AXIN1: variants seen among roughly 807,000 people sequenced by gnomAD.
AXIN1 encodes axin-1.
A neutral mutation model predicts 76.4 loss-of-function variants in AXIN1; 30 were observed. The observed-to-expected ratio is 0.39, with a 90% CI of 0.29 to 0.53. The LOEUF (loss-of-function observed/expected upper bound fraction) is 0.53. Among genes scored for constraint, AXIN1 ranks in the 20% least tolerant of loss-of-function variants. The pLI, the probability that AXIN1 is intolerant of heterozygous loss-of-function variation, is 0.66. For missense variants in AXIN1, 1,140 were observed against 1,198.8 expected (o/e 0.95, Z 0.72); for synonymous variants, 545 against 501.4 (o/e 1.09, Z -1.16).
intron 9 of AXIN1, 107 bp from the exon 10 acceptor site, chr16:289,714 G>A: frequency 2.1e-6 from 3 of 1,435,946 alleles, no homozygotes; most frequent in South Asian, 1.2e-5. Context: ...GCCTGCAGGG[G>A]TGAGCAGCAC....
At chr16:295,796 G>T (rs2052695536) in intron 7 of AXIN1, among the ~76,000 whole-genome samples, 1 of 151,530 alleles carries the variant, frequency 6.6e-6, no homozygotes, top group Admixed American at 6.6e-5. Flanking sequence ...CCCTGCCCCG[G>T]TCTCTACTAA....
In AXIN1 at chr16:296,973, T is replaced by C. The variant is rs890289965; in HGVS notation, c.1955+83A>G. 85 of 1,505,592 alleles carry C rather than the reference T, an allele frequency of 5.6e-5. 1 individual carries two copies. Among genetic ancestry groups the C allele is most frequent in the South Asian group, 3.5e-4 (31 of 88,848 alleles). 93.3% of individuals were successfully genotyped at this position (1,505,592 alleles called of 1,614,324 possible). A position where few individuals can be genotyped will look rare whatever the true frequency, so the allele number is the denominator to read the frequency against. On this transcript the variant is annotated intron_variant, in intron 7 of 10. Coordinates refer to ENST00000262320, the MANE Select transcript of AXIN1 (RefSeq NM_003502.4). ...CACAGGCGACACTCGCCACACACAC[T>C]GAAGCTGCACACACTGAGACTGTGC...
Position 346,646 on chromosome 16 carries a change from A to G in AXIN1, c.380T>C (p.Leu127Pro), listed in dbSNP as rs2141705454. 2 of 1,577,576 alleles carry G rather than the reference A, an allele frequency of 1.3e-6. No individual in the cohort carries two copies. Among genetic ancestry groups the G allele is most frequent in the Non-Finnish European group, 1.7e-6 (2 of 1,162,498 alleles). Residue 127 changes from leucine (L) to proline (P), a missense_variant, in exon 2 of 11, where the codon CTG (leucine) becomes CCG (proline). Leu to Pro is a moderately conservative substitution (Grantham distance 98). Around this residue, in one of 3 missense-constraint regions of AXIN1, gnomAD observed 708 missense variants for 776.9 expected, o/e 0.91. Coordinates refer to ENST00000262320, the MANE Select transcript of AXIN1 (RefSeq NM_003502.4). ...CTCCTCGTTCGAGTCACAGGGCTCC[A>G]GCTTCCTGAAGCCAGTGCAGGCAAA... ...FWFACTGFRK[L>P]EPCDSNEEKR...
rs2052634399 is a variant in AXIN1, at chr16:293,778, G to A, written c.1956-60C>T. 4 of 1,527,434 alleles carry A rather than the reference G, an allele frequency of 2.6e-6. No homozygotes were observed. Among genetic ancestry groups the A allele is most frequent in the Non-Finnish European group, 2.7e-6 (3 of 1,107,990 alleles). The allele number at this position is 1,527,434 out of a possible 1,614,324, so 94.6% of individuals were successfully genotyped here. A position where few individuals can be genotyped will look rare whatever the true frequency, so the allele number is the denominator to read the frequency against. ...CGACACCCTGGCCAGGTGGCCTGGT[G>A]GGGCTACACTCATCTCACAAGGGCA... is the stretch of plus-strand genomic sequence containing the variant. On this transcript the variant is annotated intron_variant, in intron 7 of 10. Transcript: ENST00000262320. This position sits in a 1 kb window ranked among gnomAD's most constrained non-coding sequence, Gnocchi z 4.6.
chr16:311,473 T>C (rs893747844), intron 3 of AXIN1, among the ~76,000 whole-genome samples: 1 of 151,868 alleles, frequency 6.6e-6, no homozygotes, highest in Non-Finnish European at 1.5e-5. Flanking sequence ...TCCCAGCTAT[T>C]AGAAAAGCTG....
In AXIN1 at chr16:297,714, A is replaced by G. The variant is rs373656834; in HGVS notation, c.1784+8T>C. On this transcript the variant is annotated splice_region_variant and intron_variant, in intron 6 of 10. Transcript: ENST00000262320. ...AAGCCCCCTCCTCACTGACAGGCGC[A>G]CGCTCACCTGTGGGCGAGGCCATCA... The G allele has an allele frequency of 3.1e-6, 5 of 1,594,422 alleles. 1 individual carries two copies. In the South Asian group the frequency reaches 3.3e-5, roughly 11 times the overall value.
intron 9 of AXIN1, 26 bp downstream of exon 9, chr16:291,164 C>A (rs747047315): frequency 6.4e-7 from 1 of 1,557,776 alleles, no homozygotes; most frequent in Admixed American, 1.9e-5. Context: ...TGGGCAGGAC[C>A]GGGAGGACCC....
In AXIN1 at chr16:347,080, T is replaced by C. The variant is rs2141711432; in HGVS notation, c.-55A>G. Reference sequence around the variant, plus strand: ...CGCTGCACCCTAATACATCAGTACTTACAGCTCCAAAGTGAATCAATCTGT... The same window carrying C: ...CGCTGCACCCTAATACATCAGTACTCACAGCTCCAAAGTGAATCAATCTGT... On this transcript the variant is annotated 5_prime_UTR_variant, in exon 2 of 11. Transcript: ENST00000262320. 6.2e-7 allele frequency: 1 copy of C among 1,612,526 alleles called. No homozygotes were observed. Among genetic ancestry groups the C allele is most frequent in the Non-Finnish European group, 8.5e-7 (1 of 1,179,994 alleles).
chr16:351,381 G>A (rs898899502), intron 1 of AXIN1, among the ~76,000 whole-genome samples: 2 of 152,136 alleles, frequency 1.3e-5, no homozygotes, highest in African/African-American at 4.8e-5. Context: ...AGGCCAAAGT[G>A]GGCAGATCAC....
At chr16:320,147 C>T (rs188409805) in intron 2 of AXIN1, among the ~76,000 whole-genome samples, 6 of 152,230 alleles carry the variant, frequency 3.9e-5, no homozygotes, top group Non-Finnish European at 8.8e-5. Context: ...CTTTTTTATT[C>T]CCTGGACTCC....
At chr16:295,919 ATTGCACCACTGCACTC>A (rs1418031017) in intron 7 of AXIN1, among the ~76,000 whole-genome samples, 1 of 152,112 alleles carries the variant, frequency 6.6e-6, no homozygotes, top group East Asian at 1.9e-4. Context: ...GTTAGCCAAG[ATTGCACCACTGCACTC>A]CAGCCCGGGC....
intron 4 of AXIN1, among the ~76,000 whole-genome samples, chr16:308,201 C>G (rs559411399): frequency 6.6e-6 from 1 of 152,346 alleles, no homozygotes; most frequent in East Asian, 1.9e-4. Context: ...ATGTGACCCT[C>G]CAGGACCTGA....
In AXIN1 at chr16:346,564, G is replaced by A; in HGVS notation, c.462C>T (p.Gly154=). Residue 154 remains glycine (G), a synonymous_variant, in exon 2 of 11, where the codon GGC becomes GGT. Transcript: ENST00000262320. ...CTGGCTTGGTCTGCCGGGACACGAT[G>A]CCATTGTTATCAAGAATGTACTTTC... ...IYRKYILDNN[G]IVSRQTKPAT... is the part of the protein sequence containing the mutation. The A allele has an allele frequency of 1.3e-5, 21 of 1,613,464 alleles. No individual in the cohort carries two copies. The highest frequency in any genetic ancestry group is 1.6e-5 in the Non-Finnish European group (19 of 1,179,570).
chr16:306,608 G>A (rs1483988990), intron 4 of AXIN1, among the ~76,000 whole-genome samples: 2 of 152,226 alleles, frequency 1.3e-5, no homozygotes, highest in Admixed American at 1.3e-4. Context: ...CTGGACACAG[G>A]GGCCACACAA....
chr16:289,850 C>T, intron 9 of AXIN1: 1 of 590,152 alleles, frequency 1.7e-6, no homozygotes, highest in Non-Finnish European at 3.0e-6. Flanking sequence ...CACAGCCCCA[C>T]CCTCGACTGG....
rs542115143 is a variant in AXIN1 at position 304,677 on chromosome 16, G to A, written c.1117-236C>T. ...GGTCTCCCAAGTAGCTGGGACTACA[G>A]GTGCCCGCCACCACGCCTGGCTAAT... On this transcript the variant is annotated intron_variant, in intron 4 of 10. Transcript: ENST00000262320. 3.2e-3 allele frequency among the ~76,000 whole-genome samples: 482 copies of A among 152,236 alleles called. 3 individuals carry two copies. The highest frequency in any genetic ancestry group is 0.01 in the Middle Eastern group (3 of 294).
In AXIN1 at chr16:298,009, C is replaced by T. The variant is rs2141512964; in HGVS notation, c.1497G>A (p.Val499=). ...CCCCCAGTGCCACTGGCATCTTGGC[C>T]ACGTGCCCACTGTCCGGGGAGCGAT... is the stretch of plus-strand genomic sequence containing the variant. ...PGHRSPDSGH[V]AKMPVALGGA... is the part of the protein sequence containing the mutation. Residue 499 remains valine (V), a synonymous_variant, in exon 6 of 11, where the codon GTG becomes GTA. Transcript: ENST00000262320. 1.3e-6 allele frequency: 2 copies of T among 1,598,214 alleles called. No homozygotes were observed. The highest frequency in any genetic ancestry group is 1.7e-6 in the Non-Finnish European group (2 of 1,177,614).
At chr16:312,582 G>A (rs767691814) in intron 3 of AXIN1, among the ~76,000 whole-genome samples, 4 of 152,210 alleles carry the variant, frequency 2.6e-5, no homozygotes, top group Admixed American at 6.5e-5. Context: ...CGAGGCTTCA[G>A]GACCACGGCA....
Position 347,732 on chromosome 16 carries a change from A to G in AXIN1, c.-81-626T>C, listed in dbSNP as rs944988383. 2.6e-5 allele frequency among the ~76,000 whole-genome samples: 4 copies of G among 152,090 alleles called. No homozygotes were observed. The South Asian group carries it at 6.2e-4, about 24-fold the overall frequency. On this transcript the variant is annotated intron_variant, in intron 1 of 10. Coordinates refer to ENST00000262320, the MANE Select transcript of AXIN1 (RefSeq NM_003502.4). ...GCAGGGTGTTCCTCCGACTCTCAAC[A>G]CACGCCTCAAAGAGAGATAATCATG... is the stretch of plus-strand genomic sequence containing the variant.
Sources: allele counts gnomAD v4.1 joint callset (sites outside exome capture counted in the v4.1 genomes callset), GRCh38; gene constraint gnomAD v4.1.1; regional missense constraint gnomAD v4.1.1; non-coding constraint Gnocchi (gnomAD v3.1); transcripts MANE v1.5; gene names NCBI Gene and HGNC (gene_info 2026-07-23, HGNC 2026-07-21).